ELOVL6: variants seen among roughly 807,000 people sequenced by gnomAD.
ELOVL6 encodes the protein very long chain fatty acid elongase 6.
ELOVL6 carries 8 observed loss-of-function variants against 31.7 expected under a neutral mutation model. The ratio of observed to expected loss-of-function variants is 0.25; its 90% confidence interval spans 0.15 to 0.45. The LOEUF (loss-of-function observed/expected upper bound fraction) is 0.45, where lower values mean the gene tolerates loss of function less well. Among genes scored for constraint, ELOVL6 ranks in the 20% least tolerant of loss-of-function variants. The pLI, the probability that ELOVL6 is intolerant of heterozygous loss-of-function variation, is 1.00. For synonymous variants in ELOVL6, 101 were observed against 117.7 expected, an observed-to-expected ratio of 0.86 and a Z score of 0.92; for missense variants, 126 against 326.4, an observed-to-expected ratio of 0.39 and a Z score of 4.73.
At chr4:110,089,122 C>T (rs896800170) in intron 2 of ELOVL6, among the ~76,000 whole-genome samples, 4 of 152,094 alleles carry the variant, frequency 2.6e-5, no homozygotes, top group East Asian at 3.9e-4. Flanking sequence ...AATGTTACTC[C>T]GACAGCTATT....
chr4:110,149,164 T>C (rs186975513), intron 1 of ELOVL6, among the ~76,000 whole-genome samples: 5 of 152,266 alleles, frequency 3.3e-5, no homozygotes, highest in Non-Finnish European at 7.4e-5. Context: ...ACCCAGCTCT[T>C]CTGTATTGTT....
intron 1 of ELOVL6, among the ~76,000 whole-genome samples, chr4:110,164,071 A>C (rs907490752): frequency 1.3e-5 from 2 of 152,230 alleles, no homozygotes; most frequent in Non-Finnish European, 2.9e-5. Context: ...TGCCAGTAAA[A>C]GCTACTTTTC....
intron 2 of ELOVL6, among the ~76,000 whole-genome samples, chr4:110,089,066 A>C (rs1756346866): frequency 6.6e-6 from 1 of 152,180 alleles, no homozygotes; most frequent in Admixed American, 6.5e-5. Context: ...AGATCTACCC[A>C]TGTCTTTTTA....
At chr4:110,084,177 T>TATATAACATATATGTGATATATATG (rs1756063690) in intron 2 of ELOVL6, among the ~76,000 whole-genome samples, 4 of 103,482 alleles carry the variant, frequency 3.9e-5, no homozygotes, top group African/African-American at 1.0e-4. Flanking sequence ...ATATATATGA[T>TATATAACATATATGTGATATATATG]ATATATAACA....
At chr4:110,120,832 G>C (rs1332304274) in intron 1 of ELOVL6, among the ~76,000 whole-genome samples, 2 of 121,452 alleles carry the variant, frequency 1.6e-5, no homozygotes, top group Admixed American at 1.2e-4. Flanking sequence ...ACAGAGTCTC[G>C]CTCTATCCCC....
At chr4:110,111,335 T>C (rs1172996430) in intron 1 of ELOVL6, among the ~76,000 whole-genome samples, 2 of 144,810 alleles carry the variant, frequency 1.4e-5, no homozygotes, top group East Asian at 2.1e-4. Context: ...AGGTTATCAA[T>C]TCCCTTTGTT....
Position 110,129,891 on chromosome 4 carries a change from A to ATTTTTT in ELOVL6, c.90-24269_90-24264dup, listed in dbSNP as rs371838858. On this transcript the variant is annotated intron_variant, in intron 1 of 3. Coordinates refer to ENST00000302274, the MANE Select transcript of ELOVL6 (RefSeq NM_024090.3). ...TTTCCATTATTTCCAATCCAATCCAATTTTTTTTTTTTTTTTTTTTTTTGG... is the reference window on the plus strand; with the variant it reads ...TTTCCATTATTTCCAATCCAATCCAATTTTTTTTTTTTTTTTTTTTTTTTTTTTTGG... 2.5e-3 allele frequency among the ~76,000 whole-genome samples: 230 copies of ATTTTTT among 93,488 alleles called. 5 individuals are homozygous for ATTTTTT. In the East Asian group the frequency reaches 0.03, roughly 12 times the overall value. 61.3% of individuals were successfully genotyped at this position (93,488 alleles called of 152,430 possible).
intron 2 of ELOVL6, among the ~76,000 whole-genome samples, chr4:110,082,643 T>A (rs932385549): frequency 6.6e-6 from 1 of 152,030 alleles, no homozygotes; most frequent in Non-Finnish European, 1.5e-5. Flanking sequence ...TACCTAATGT[T>A]AAATGATGAG....
chr4:110,081,231 G>A (rs1483364209), intron 2 of ELOVL6, among the ~76,000 whole-genome samples: 1 of 152,010 alleles, frequency 6.6e-6, no homozygotes, highest in African/African-American at 2.4e-5. Context: ...TCACAGAATT[G>A]GAAAAAACCA....
At chr4:110,072,568 T>C (rs530713322) in intron 2 of ELOVL6, among the ~76,000 whole-genome samples, 1 of 150,216 alleles carries the variant, frequency 6.7e-6, no homozygotes, top group South Asian at 2.1e-4. Flanking sequence ...CAAGGTCTTA[T>C]ACATGGTGCC....
chr4:110,125,167 A>T (rs1196075288), intron 1 of ELOVL6, among the ~76,000 whole-genome samples: 1 of 152,170 alleles, frequency 6.6e-6, no homozygotes. Flanking sequence ...TCCATTTTTT[A>T]AAAAATAAAG....
At chr4:110,063,384 G>A (rs555653028) in intron 2 of ELOVL6, among the ~76,000 whole-genome samples, 2 of 151,556 alleles carry the variant, frequency 1.3e-5, no homozygotes, top group Admixed American at 6.5e-5. Context: ...TGGAGCAGTC[G>A]AAGTTGGCCA....
At chr4:110,186,681 G>A (rs1433818529) in intron 1 of ELOVL6, among the ~76,000 whole-genome samples, 1 of 150,956 alleles carries the variant, frequency 6.6e-6, no homozygotes, top group Non-Finnish European at 1.5e-5. Context: ...GCACGTGCCT[G>A]TAAGTCCAGC....
intron 1 of ELOVL6, among the ~76,000 whole-genome samples, chr4:110,115,163 A>G (rs1757138203): frequency 6.6e-6 from 1 of 152,038 alleles, no homozygotes; most frequent in Non-Finnish European, 1.5e-5. Context: ...CCTCAATATA[A>G]ATTTTGAAAA....
At chr4:110,198,132 G>C (rs1759874557) in intron 1 of ELOVL6, 115 bp downstream of exon 1, 1 of 697,242 alleles carries the variant, frequency 1.4e-6, no homozygotes, top group African/African-American at 1.8e-5. Flanking sequence ...GCGATCAGCT[G>C]GCTGCCCGCG....
chr4:110,181,167 C>T (rs934161192), intron 1 of ELOVL6, among the ~76,000 whole-genome samples: 2 of 152,100 alleles, frequency 1.3e-5, no homozygotes, highest in Non-Finnish European at 2.9e-5. Flanking sequence ...TAAATTAAGG[C>T]CGGGCGCAGT....
rs1754730265 is a variant in ELOVL6 at position 110,047,732 on chromosome 4, AT to A, written c.*3605del. 1 of 152,094 alleles carries A rather than the reference AT, an allele frequency of 6.6e-6. No individual in the cohort carries two copies. The allele number at this position is 152,094 out of a possible 1,614,324, so 9.4% of individuals were successfully genotyped here. On this transcript the variant is annotated 3_prime_UTR_variant, in exon 4 of 4. Coordinates refer to ENST00000302274, the MANE Select transcript of ELOVL6 (RefSeq NM_024090.3). ...TGGTGAAACCCTGTCTCTACTAAAA[AT>A]ACAAAAATTAGCTGGGTGTGGTGGC...
intron 2 of ELOVL6, among the ~76,000 whole-genome samples, chr4:110,080,196 A>G (rs1053163435): frequency 6.6e-6 from 1 of 152,234 alleles, no homozygotes; most frequent in African/African-American, 2.4e-5. Flanking sequence ...TTCTGAAACT[A>G]TTACAATCAA....
chr4:110,084,113 T>TATATACATGTTATATATC lies in ELOVL6; in HGVS notation c.221+21383_221+21384insGATATATAACATGTATAT, dbSNP rs1560814056. On this transcript the variant is annotated intron_variant, in intron 2 of 3. Transcript: ENST00000302274. ...TATAACATATATATGATATATATGA[T>TATATACATGTTATATATC]ATATATAACATATATGTGATAATGA... is the stretch of plus-strand genomic sequence containing the variant. Among the ~76,000 whole-genome samples the TATATACATGTTATATATC allele has an allele frequency of 3.8e-4, 29 of 76,924 alleles. 7 individuals carry two copies. The highest frequency in any genetic ancestry group is 1.4e-3 in the African/African-American group (21 of 15,306). 50.5% of individuals were successfully genotyped at this position (76,924 alleles called of 152,430 possible).
Sources: allele counts gnomAD v4.1 joint callset (sites outside exome capture counted in the v4.1 genomes callset), GRCh38; gene constraint gnomAD v4.1.1; transcripts MANE v1.5; gene names NCBI Gene and HGNC (gene_info 2026-07-23, HGNC 2026-07-21).